ROBO1: variants seen among roughly 807,000 people sequenced by gnomAD.
The protein encoded by ROBO1 is roundabout guidance receptor 1, also known as roundabout homolog 1.
A neutral mutation model predicts 195.9 loss-of-function variants in ROBO1; 149 were observed. The observed-to-expected ratio is 0.76, with a 90% CI of 0.67 to 0.87. ROBO1 has a LOEUF of 0.87. ROBO1 is among the 40% of genes least tolerant of loss of function. ROBO1 has a pLI of 0.00. For missense variants in ROBO1, 1,933 were observed against 2,068.3 expected (o/e 0.93, Z 1.27); for synonymous variants, 816 against 733.2 (o/e 1.11, Z -1.82).
intron 4 of ROBO1, among the ~76,000 whole-genome samples, chr3:78,878,336 A>G (rs1476606754): frequency 2.0e-5 from 3 of 152,140 alleles, no homozygotes; most frequent in Non-Finnish European, 4.4e-5. Context: ...CTGTAATCCT[A>G]GCACTTTAGG....
intron 4 of ROBO1, among the ~76,000 whole-genome samples, chr3:78,823,628 G>A (rs951142635): frequency 2.0e-5 from 3 of 152,132 alleles, no homozygotes; most frequent in African/African-American, 7.2e-5. Context: ...TCCAGCCTCA[G>A]CTCACATCAC....
intron 4 of ROBO1, among the ~76,000 whole-genome samples, chr3:78,923,722 C>T (rs2039065265): frequency 6.6e-6 from 1 of 152,114 alleles, no homozygotes; most frequent in South Asian, 2.1e-4. Context: ...CATAGGAGGT[C>T]CTCTGGCCTC....
At chr3:79,534,966 T>C (rs1941799775) in intron 2 of ROBO1, among the ~76,000 whole-genome samples, 1 of 152,140 alleles carries the variant, frequency 6.6e-6, no homozygotes. Flanking sequence ...TGTTTGCAAA[T>C]CATGATCCAC....
intron 4 of ROBO1, among the ~76,000 whole-genome samples, chr3:78,756,671 G>A (rs370499998): frequency 6.6e-6 from 1 of 152,086 alleles, no homozygotes. Flanking sequence ...GTATGTGTGT[G>A]TATTTCATAG....
chr3:78,908,434 T>C (rs187496266), intron 4 of ROBO1, among the ~76,000 whole-genome samples: 311 of 151,974 alleles, frequency 2.0e-3, no homozygotes, highest in African/African-American at 7.2e-3. Context: ...TTGTAAAACA[T>C]AGGGTTCATA....
intron 1 of ROBO1, among the ~76,000 whole-genome samples, chr3:79,630,109 A>G (rs375656814): frequency 1.7e-4 from 26 of 152,110 alleles, no homozygotes; most frequent in East Asian, 1.5e-3. Flanking sequence ...CAAACAAACA[A>G]GAAGGAGGAG....
intron 2 of ROBO1, among the ~76,000 whole-genome samples, chr3:79,437,081 A>T (rs2038913411): frequency 6.6e-6 from 1 of 152,046 alleles, no homozygotes; most frequent in Non-Finnish European, 1.5e-5. Flanking sequence ...TTAATCTCTA[A>T]ATCATAACAT....
At chr3:78,756,788 T>C (rs1301944278) in intron 4 of ROBO1, among the ~76,000 whole-genome samples, 1 of 152,206 alleles carries the variant, frequency 6.6e-6, no homozygotes, top group African/African-American at 2.4e-5. Context: ...AAGAGTTCAT[T>C]CAGGTCTAGT....
At chr3:79,037,590 C>T (rs529975627) in intron 3 of ROBO1, among the ~76,000 whole-genome samples, 1 of 152,046 alleles carries the variant, frequency 6.6e-6, no homozygotes, top group African/African-American at 2.4e-5. Flanking sequence ...TTATGTTTAC[C>T]ATGAAAATTG....
chr3:78,695,542 T>C (rs978571971), intron 8 of ROBO1, among the ~76,000 whole-genome samples: 1 of 151,344 alleles, frequency 6.6e-6, no homozygotes, highest in Non-Finnish European at 1.5e-5. Context: ...GGGGAATTGT[T>C]TGAATCCTGG....
At chr3:79,080,845 C>A (rs577289451) in intron 3 of ROBO1, among the ~76,000 whole-genome samples, 2 of 152,180 alleles carry the variant, frequency 1.3e-5, no homozygotes, top group Admixed American at 6.6e-5. Flanking sequence ...AAATATTCAA[C>A]TTTTTCTTAA....
At chr3:79,072,026 C>T (rs111554637) in intron 3 of ROBO1, among the ~76,000 whole-genome samples, 5,249 of 151,948 alleles carry the variant, frequency 0.035, 117 homozygotes, top group Admixed American at 0.049. Context: ...CAAAGAAAGA[C>T]ATTTTTTAAA....
At chr3:79,086,754 T>C (rs537582182) in intron 3 of ROBO1, among the ~76,000 whole-genome samples, 2 of 152,302 alleles carry the variant, frequency 1.3e-5, no homozygotes, top group East Asian at 3.9e-4. Flanking sequence ...ATATATATTC[T>C]ACGGAAGAGA....
intron 2 of ROBO1, among the ~76,000 whole-genome samples, chr3:79,129,234 A>G (rs1356535210): frequency 6.6e-6 from 1 of 152,106 alleles, no homozygotes; most frequent in African/African-American, 2.4e-5. Context: ...TATTTTAAGT[A>G]TTTTACAATT....
intron 4 of ROBO1, among the ~76,000 whole-genome samples, chr3:78,755,393 G>A (rs2082903551): frequency 6.6e-6 from 1 of 152,140 alleles, no homozygotes; most frequent in African/African-American, 2.4e-5. Context: ...AGGATCGCTT[G>A]AGCCTGGGAG....
intron 4 of ROBO1, among the ~76,000 whole-genome samples, chr3:78,891,774 T>C (rs162425): frequency 0.31 from 46,699 of 152,074 alleles, 7,330 homozygotes; most frequent in Non-Finnish European, 0.34. Context: ...ATGAATGAAC[T>C]ATTGATGTGT....
chr3:79,284,789 A>G (rs916816248), intron 2 of ROBO1, among the ~76,000 whole-genome samples: 11 of 152,318 alleles, frequency 7.2e-5, no homozygotes, highest in Non-Finnish European at 1.2e-4. Flanking sequence ...CATCTAAAAC[A>G]AATGAGATAG....
Position 78,704,595 on chromosome 3 carries a change from T to TAC in ROBO1, c.1045+9800_1045+9801dup, listed in dbSNP as rs34616317. ...TCTAATGGTTCATTAAACACACACA[T>TAC]ACACACACACACACACACAGACACA... On this transcript the variant is annotated intron_variant, in intron 8 of 30. Transcript: ENST00000464233. Among the ~76,000 whole-genome samples, 87 of 141,132 alleles carry TAC rather than the reference T, an allele frequency of 6.2e-4. No homozygotes were observed. The East Asian group carries it at 6.4e-3, about 10-fold the overall frequency. The allele number at this position is 141,132 out of a possible 152,430, so 92.6% of individuals were successfully genotyped here.
intron 2 of ROBO1, among the ~76,000 whole-genome samples, chr3:79,454,754 G>T (rs2039560665): frequency 6.6e-6 from 1 of 151,700 alleles, no homozygotes; most frequent in African/African-American, 2.4e-5. Context: ...TTATATCCAT[G>T]CATCTCATCT....
Sources: gnomAD v4.1 joint callset for allele counts (sites outside exome capture counted in the v4.1 genomes callset) on GRCh38, gnomAD v4.1.1 for gene constraint, MANE v1.5 for transcripts, NCBI Gene and HGNC (gene_info 2026-07-23, HGNC 2026-07-21) for gene names.